Variants in PPARGC1A observed in about 807,000 individuals in gnomAD.
PPARGC1A encodes the protein peroxisome proliferator-activated receptor gamma coactivator 1-alpha.
In PPARGC1A, 25 loss-of-function variants were observed where a neutral mutation model predicts 88.7. The observed-to-expected ratio is 0.28, with a 90% CI of 0.21 to 0.39. PPARGC1A has a LOEUF of 0.39. Among genes scored for constraint, PPARGC1A ranks in the 10% least tolerant of loss-of-function variants. The pLI is 1.00. For missense variants in PPARGC1A, 880 were observed against 968.7 expected (o/e 0.91, Z 1.22); for synonymous variants, 363 against 355.6 (o/e 1.02, Z -0.24).
the PPARGC1A span, among the ~76,000 whole-genome samples, chr4:23,992,638 G>C: frequency 6.8e-6 from 1 of 147,830 alleles, no homozygotes; most frequent in Non-Finnish European, 1.5e-5. Context: ...ATTGTTAATC[G>C]TACCTTTTGA....
the PPARGC1A span, among the ~76,000 whole-genome samples, chr4:24,295,962 G>C: frequency 6.7e-6 from 1 of 149,948 alleles, no homozygotes; most frequent in Non-Finnish European, 1.5e-5. Context: ...TTATCACTTG[G>C]TGAGTTGCAG....
chr4:24,146,027 G>A, the PPARGC1A span, among the ~76,000 whole-genome samples: 2 of 152,172 alleles, frequency 1.3e-5, no homozygotes, highest in African/African-American at 2.4e-5. Flanking sequence ...AAGGCCAAAT[G>A]AGTTTGAGAA....
intron 2 of PPARGC1A, among the ~76,000 whole-genome samples, chr4:23,875,087 A>G (rs574632729): frequency 5.3e-4 from 81 of 152,294 alleles, no homozygotes; most frequent in South Asian, 1.2e-3. Context: ...CTGCTTGTAC[A>G]TTTCTTAAGC....
the PPARGC1A span, among the ~76,000 whole-genome samples, chr4:24,463,597 T>G: frequency 6.6e-6 from 1 of 152,254 alleles, no homozygotes; most frequent in African/African-American, 2.4e-5. Flanking sequence ...TTCTGACATT[T>G]CAGCCATTTA....
the PPARGC1A span, among the ~76,000 whole-genome samples, chr4:24,367,333 G>A: frequency 6.6e-6 from 1 of 152,172 alleles, no homozygotes; most frequent in Non-Finnish European, 1.5e-5. Context: ...ATATTGTTTA[G>A]TCTAGAATCA....
chr4:23,864,327 A>AG (rs2148726776), intron 2 of PPARGC1A, among the ~76,000 whole-genome samples: 2 of 152,352 alleles, frequency 1.3e-5, no homozygotes, highest in South Asian at 4.1e-4. Flanking sequence ...CTCCTTATAC[A>AG]GCTGGGCATC....
the PPARGC1A span, among the ~76,000 whole-genome samples, chr4:23,990,407 T>C: frequency 1.3e-5 from 2 of 152,038 alleles, no homozygotes; most frequent in East Asian, 3.9e-4. Flanking sequence ...ACAGTAGAAG[T>C]GCACCCTAGA....
At chr4:24,083,712 T>C in the PPARGC1A span, among the ~76,000 whole-genome samples, 1 of 152,160 alleles carries the variant, frequency 6.6e-6, no homozygotes, top group Non-Finnish European at 1.5e-5. Context: ...CCCTGAGGCA[T>C]AATTGGGCCT....
At chr4:24,151,258 C>T in the PPARGC1A span, among the ~76,000 whole-genome samples, 2 of 152,194 alleles carry the variant, frequency 1.3e-5, no homozygotes, top group Non-Finnish European at 2.9e-5. Context: ...TTATTTATCA[C>T]AGTTCTGGAG....
chr4:24,093,910 C>T, the PPARGC1A span, among the ~76,000 whole-genome samples: 1 of 152,090 alleles, frequency 6.6e-6, no homozygotes, highest in Non-Finnish European at 1.5e-5. Flanking sequence ...ACATTATTGT[C>T]CACCAGTATC....
the PPARGC1A span, among the ~76,000 whole-genome samples, chr4:24,191,582 T>C: frequency 2.0e-5 from 3 of 152,120 alleles, no homozygotes; most frequent in Non-Finnish European, 4.4e-5. Flanking sequence ...TCTTTAGCCA[T>C]CCACGTAAAT....
At chr4:24,081,890 C>T in the PPARGC1A span, among the ~76,000 whole-genome samples, 1 of 152,042 alleles carries the variant, frequency 6.6e-6, no homozygotes, top group East Asian at 1.9e-4. Context: ...AACCTGTCAG[C>T]TCTGGGTCTA....
the PPARGC1A span, among the ~76,000 whole-genome samples, chr4:24,316,451 A>C: frequency 6.6e-6 from 1 of 152,268 alleles, no homozygotes; most frequent in Non-Finnish European, 1.5e-5. Flanking sequence ...CTTTTGAAGC[A>C]AAAGTGAAGA....
intron 10 of PPARGC1A, among the ~76,000 whole-genome samples, chr4:23,807,818 AATTAACT>A (rs1044458564): frequency 3.9e-5 from 6 of 151,996 alleles, no homozygotes; most frequent in Non-Finnish European, 7.4e-5. Flanking sequence ...ACAATAGCAT[AATTAACT>A]ATAGGTACTA....
At chr4:24,071,075 G>A in the PPARGC1A span, among the ~76,000 whole-genome samples, 3 of 152,106 alleles carry the variant, frequency 2.0e-5, no homozygotes, top group Admixed American at 2.0e-4. Context: ...CTGATCAAAC[G>A]CTTTCTGACC....
the PPARGC1A span, among the ~76,000 whole-genome samples, chr4:24,112,007 T>C: frequency 6.6e-6 from 1 of 152,272 alleles, no homozygotes; most frequent in South Asian, 2.1e-4. Flanking sequence ...TTAGACAAAA[T>C]AAACAAACAA....
the PPARGC1A span, among the ~76,000 whole-genome samples, chr4:24,209,218 C>G: frequency 6.6e-6 from 1 of 152,116 alleles, no homozygotes; most frequent in South Asian, 2.1e-4. Flanking sequence ...CAGGTTGGAA[C>G]CAAGCCCAGG....
the PPARGC1A span, among the ~76,000 whole-genome samples, chr4:24,408,825 G>A: frequency 4.6e-5 from 7 of 152,116 alleles, no homozygotes; most frequent in Admixed American, 3.3e-4. Context: ...CTGCCCTGCC[G>A]AGCCCAGCCA....
chr4:24,250,916 A>G, the PPARGC1A span, among the ~76,000 whole-genome samples: 1 of 152,172 alleles, frequency 6.6e-6, no homozygotes. Flanking sequence ...GGTAGCCCCA[A>G]TCTATCCTTG....
Sources: allele counts gnomAD v4.1 joint callset (sites outside exome capture counted in the v4.1 genomes callset), GRCh38; gene constraint gnomAD v4.1.1; transcripts MANE v1.5; gene names NCBI Gene and HGNC (gene_info 2026-07-23, HGNC 2026-07-21).